The following HDAC9 variants were observed in gnomAD, a reference collection of about 807,000 sequenced individuals.
The protein encoded by HDAC9 is histone deacetylase 9.
Under a neutral mutation model 139.4 loss-of-function variants are expected in HDAC9, and 41 were observed. The ratio of observed to expected loss-of-function variants is 0.29; its 90% CI spans 0.23 to 0.38. HDAC9 has a LOEUF of 0.38. Ranked by LOEUF, HDAC9 falls within the 10% of genes least tolerant of loss-of-function variation. The probability of loss-of-function intolerance (pLI) is 1.00; values close to 1 mark genes in which losing one functional copy is unlikely to be tolerated. For missense variants in HDAC9, 1,147 were observed against 1,297.0 expected (o/e 0.88, Z 1.78); for synonymous variants, 517 against 476.2 (o/e 1.09, Z -1.12).
At chr7:18,179,175 C>T (rs1789190083) in intron 2 of HDAC9, among the ~76,000 whole-genome samples, 1 of 152,226 alleles carries the variant, frequency 6.6e-6, no homozygotes, top group Admixed American at 6.5e-5. Flanking sequence ...TCAGAGTTCT[C>T]TGAGGAACCA....
intron 25 of HDAC9, among the ~76,000 whole-genome samples, chr7:18,988,286 G>A (rs924920888): frequency 1.3e-5 from 2 of 151,992 alleles, no homozygotes; most frequent in Non-Finnish European, 2.9e-5. Flanking sequence ...TGGTTTCAAA[G>A]AACATCTTTA....
intron 25 of HDAC9, among the ~76,000 whole-genome samples, chr7:18,989,308 C>G (rs1785655842): frequency 6.6e-6 from 1 of 151,558 alleles, no homozygotes; most frequent in Non-Finnish European, 1.5e-5. Flanking sequence ...TATTTAATTT[C>G]TCCTTCACTT....
At chr7:18,324,626 G>A (rs754426469) in intron 1 of HDAC9, among the ~76,000 whole-genome samples, 32 of 152,122 alleles carry the variant, frequency 2.1e-4, no homozygotes, top group Non-Finnish European at 4.7e-4. Flanking sequence ...GGCAGAAATT[G>A]CAATGCCTCA....
chr7:18,932,760 A>G (rs982309928), intron 22 of HDAC9, among the ~76,000 whole-genome samples: 1 of 151,912 alleles, frequency 6.6e-6, no homozygotes, highest in African/African-American at 2.4e-5. Flanking sequence ...AGAAAGTTTC[A>G]GAGAAAGAGA....
At chr7:18,422,443 G>A (rs962021970) in intron 1 of HDAC9, among the ~76,000 whole-genome samples, 2 of 152,072 alleles carry the variant, frequency 1.3e-5, no homozygotes, top group South Asian at 2.1e-4. Context: ...ATTACAAATC[G>A]ATCATAAACA....
chr7:18,652,885 C>T (rs1789764229), intron 11 of HDAC9, among the ~76,000 whole-genome samples: 1 of 151,970 alleles, frequency 6.6e-6, no homozygotes, highest in African/African-American at 2.4e-5. Flanking sequence ...AAGAAAACAA[C>T]CTTCAGTGTC....
intron 1 of HDAC9, among the ~76,000 whole-genome samples, chr7:18,356,368 T>TTTTG (rs1047402599): frequency 1.4e-5 from 2 of 142,428 alleles, no homozygotes; most frequent in African/African-American, 5.2e-5. Context: ...GTTTTTTTTT[T>TTTTG]TTTTTTTTTT....
In HDAC9 at chr7:18,089,091, C is replaced by T. The variant is rs561934151; in HGVS notation, c.-97+1878C>T. Among the ~76,000 whole-genome samples the T allele has an allele frequency of 3.9e-5, 6 of 152,292 alleles. No individual in the cohort carries two copies. The East Asian group carries it at 7.7e-4, about 20-fold the overall frequency. On this transcript the variant is annotated intron_variant, in intron 1 of 12. Coordinates refer to the HDAC9 transcript ENST00000417496. ...CAGAGGGAGAGAGATGCTTTCTTAGCTGTGCTAGTGAATTGATAATCTTTA... is the reference window on the plus strand; with the variant it reads ...CAGAGGGAGAGAGATGCTTTCTTAGTTGTGCTAGTGAATTGATAATCTTTA...
chr7:18,123,590 G>C (rs1784484075), intron 1 of HDAC9, among the ~76,000 whole-genome samples: 1 of 152,170 alleles, frequency 6.6e-6, no homozygotes, highest in Non-Finnish European at 1.5e-5. Flanking sequence ...TTTCACTGGA[G>C]TAGAACTGGG....
intron 1 of HDAC9, among the ~76,000 whole-genome samples, chr7:18,474,032 A>G (rs138017904): frequency 1.3e-5 from 2 of 152,348 alleles, no homozygotes; most frequent in East Asian, 1.9e-4. Flanking sequence ...CTTGGAAATC[A>G]TCAAAGAAGA....
At chr7:18,777,625 T>C (rs140514500) in intron 16 of HDAC9, among the ~76,000 whole-genome samples, 47 of 152,130 alleles carry the variant, frequency 3.1e-4, no homozygotes, top group African/African-American at 1.1e-3. Context: ...ATCCTCAGCA[T>C]CCTCAATATT....
chr7:18,697,154 C>T (rs1248596365), intron 12 of HDAC9, among the ~76,000 whole-genome samples: 3 of 152,124 alleles, frequency 2.0e-5, no homozygotes, highest in African/African-American at 7.2e-5. Flanking sequence ...TAAGGATGGC[C>T]TAGCAGTTTC....
At chr7:18,548,858 G>A (rs1245699085) in intron 2 of HDAC9, among the ~76,000 whole-genome samples, 1 of 152,232 alleles carries the variant, frequency 6.6e-6, no homozygotes, top group East Asian at 1.9e-4. Context: ...TAGTGAGGAT[G>A]TGGATAAATT....
At chr7:18,937,967 A>G (rs1781757904) in intron 23 of HDAC9, among the ~76,000 whole-genome samples, 1 of 152,216 alleles carries the variant, frequency 6.6e-6, no homozygotes, top group Non-Finnish European at 1.5e-5. Flanking sequence ...AGAAATGATT[A>G]TGTTTCAGAA....
chr7:18,393,223 G>C (rs1585586572), intron 1 of HDAC9, among the ~76,000 whole-genome samples: 1 of 151,946 alleles, frequency 6.6e-6, no homozygotes, highest in East Asian at 1.9e-4. Context: ...AAGAAGAAGA[G>C]TGAATTAAAC....
chr7:18,922,089 GA>G (rs1803800835), intron 22 of HDAC9, among the ~76,000 whole-genome samples: 1 of 115,120 alleles, frequency 8.7e-6, no homozygotes, highest in African/African-American at 3.3e-5. Flanking sequence ...GGGGTGGGGG[GA>G]GGGGGGAAGG....
At chr7:18,584,885 C>T (rs1366644889) in intron 2 of HDAC9, among the ~76,000 whole-genome samples, 2 of 152,248 alleles carry the variant, frequency 1.3e-5, no homozygotes, top group African/African-American at 2.4e-5. Context: ...CAAATGTAGT[C>T]ATGGTGGAAG....
intron 1 of HDAC9, among the ~76,000 whole-genome samples, chr7:18,353,980 A>T (rs1310235311): frequency 1.3e-5 from 2 of 152,152 alleles, no homozygotes; most frequent in Admixed American, 1.3e-4. Context: ...ATGTTAGTGT[A>T]TGCACATTCT....
chr7:18,942,792 A>G (rs568267333), intron 23 of HDAC9, among the ~76,000 whole-genome samples: 19 of 152,130 alleles, frequency 1.2e-4, no homozygotes, highest in South Asian at 6.2e-4. Flanking sequence ...CACCACAGAA[A>G]TCAGCAAATA....
Sources: allele counts gnomAD v4.1 joint callset (sites outside exome capture counted in the v4.1 genomes callset), GRCh38; gene constraint gnomAD v4.1.1; transcripts MANE v1.5; gene names NCBI Gene and HGNC (gene_info 2026-07-23, HGNC 2026-07-21).